Variants in BCL7C observed in about 807,000 individuals in gnomAD.
BCL7C encodes B-cell CLL/lymphoma 7 protein family member C.
BCL7C carries 8 observed loss-of-function variants against 26.2 expected under a neutral mutation model. The ratio of observed to expected loss-of-function variants is 0.30; its 90% CI spans 0.18 to 0.55. The LOEUF is 0.55. BCL7C is among the 20% of genes least tolerant of loss of function. BCL7C has a pLI of 0.93. For missense variants in BCL7C, 262 were observed against 298.5 expected, an observed-to-expected ratio of 0.88 and a Z score of 0.90; for synonymous variants, 90 against 116.5, an observed-to-expected ratio of 0.77 and a Z score of 1.47.
chr16:30,853,060 C>G (rs984511367), intron 5 of BCL7C, among the ~76,000 whole-genome samples: 1 of 151,776 alleles, frequency 6.6e-6, no homozygotes. Flanking sequence ...CTCTGCCTCC[C>G]GAGTAGCTGG....
At chr16:30,855,799 G>A (rs898814038) in intron 5 of BCL7C, among the ~76,000 whole-genome samples, 1 of 151,984 alleles carries the variant, frequency 6.6e-6, no homozygotes, top group Non-Finnish European at 1.5e-5. Flanking sequence ...GGTGGCTCAT[G>A]CCTGTAATCC....
chr16:30,893,968 C>A lies in BCL7C; in HGVS notation c.-24G>T. On this transcript the variant is annotated 5_prime_UTR_variant, in exon 1 of 6. Transcript: ENST00000215115. This position sits in a 1 kb window ranked among gnomAD's most constrained non-coding sequence, Gnocchi z 5.2. ...ATGCTGGCGGGGCTGGGGCCGGGGC[C>A]GAGCCCGCGGCGGGGCCGCCTCCCG... is the stretch of plus-strand genomic sequence containing the variant. The A allele has an allele frequency of 2.3e-6, 3 of 1,304,686 alleles. No homozygotes were observed. Among genetic ancestry groups the A allele is most frequent in the Non-Finnish European group, 2.9e-6 (3 of 1,020,826 alleles). The allele number at this position is 1,304,686 out of a possible 1,614,324, so 80.8% of individuals were successfully genotyped here. A position where few individuals can be genotyped will look rare whatever the true frequency, so the allele number is the denominator to read the frequency against.
chr16:30,891,680 T>C (rs907180330), intron 4 of BCL7C, among the ~76,000 whole-genome samples: 1 of 151,876 alleles, frequency 6.6e-6, no homozygotes, highest in African/African-American at 2.4e-5. Context: ...CAAGATCACA[T>C]AGGGCCAGGC....
At chr16:30,873,954 T>TACACACACACACAC (rs145435913) in intron 5 of BCL7C, among the ~76,000 whole-genome samples, 4,609 of 137,696 alleles carry the variant, frequency 0.033, 247 homozygotes, top group African/African-American at 0.11. Context: ...GATATATGTA[T>TACACACACACACAC]ACACACACAC....
At chr16:30,878,296 C>G (rs774198209) in intron 5 of BCL7C, among the ~76,000 whole-genome samples, 5 of 151,720 alleles carry the variant, frequency 3.3e-5, no homozygotes, top group African/African-American at 4.9e-5. Flanking sequence ...TTTGGGAGGC[C>G]GAGGGAGACG....
intron 5 of BCL7C, among the ~76,000 whole-genome samples, chr16:30,866,628 C>T (rs1244738923): frequency 6.7e-6 from 1 of 149,108 alleles, no homozygotes; most frequent in Non-Finnish European, 1.5e-5. Flanking sequence ...TGATGAAACC[C>T]ACCAAAGTTA....
At chr16:30,882,418 GC>G (rs1317401499) in intron 5 of BCL7C, among the ~76,000 whole-genome samples, 1 of 152,184 alleles carries the variant, frequency 6.6e-6, no homozygotes, top group African/African-American at 2.4e-5. Context: ...CAAAGCAACA[GC>G]CACCACTTCA....
At chr16:30,848,899 A>G (rs1323385935) in intron 5 of BCL7C, among the ~76,000 whole-genome samples, 1 of 151,742 alleles carries the variant, frequency 6.6e-6, no homozygotes, top group Non-Finnish European at 1.5e-5. Context: ...CACAAAAAAA[A>G]AAAAAAGGCT....
chr16:30,863,458 A>C (rs543112397), intron 5 of BCL7C, among the ~76,000 whole-genome samples: 2 of 152,310 alleles, frequency 1.3e-5, no homozygotes, highest in African/African-American at 4.8e-5. Flanking sequence ...CTCCATCATT[A>C]ATCTGTCTTT....
At chr16:30,871,264 C>G (rs915697021) in intron 5 of BCL7C, among the ~76,000 whole-genome samples, 9 of 152,114 alleles carry the variant, frequency 5.9e-5, no homozygotes, top group Non-Finnish European at 1.0e-4. Flanking sequence ...CTGGAGTTAG[C>G]CTCATCTGAA....
At chr16:30,868,987 C>T (rs2054857707) in intron 5 of BCL7C, among the ~76,000 whole-genome samples, 1 of 151,840 alleles carries the variant, frequency 6.6e-6, no homozygotes, top group African/African-American at 2.4e-5. Context: ...TCAAATGATC[C>T]ACCTGCCTCA....
chr16:30,855,598 A>G (rs1477461679), intron 5 of BCL7C, among the ~76,000 whole-genome samples: 1 of 152,106 alleles, frequency 6.6e-6, no homozygotes, highest in African/African-American at 2.4e-5. Context: ...AGATCCTTTA[A>G]TAGCTTCTGT....
chr16:30,890,017 C>T (rs558953335), intron 4 of BCL7C, among the ~76,000 whole-genome samples: 1 of 151,226 alleles, frequency 6.6e-6, no homozygotes. Flanking sequence ...CCAGCTGGAA[C>T]CAAAAACGGG....
chr16:30,871,523 C>T (rs1286975915), intron 5 of BCL7C, among the ~76,000 whole-genome samples: 3 of 151,968 alleles, frequency 2.0e-5, no homozygotes, highest in Admixed American at 6.6e-5. Context: ...CTCACTCTGT[C>T]GCCCAGGCTG....
rs1187827463 is a variant in BCL7C, at chr16:30,879,689, C to CAAAAAAAAAAAAAAAAAAAAAAA, written c.528+9170_528+9171insTTTTTTTTTTTTTTTTTTTTTTT. Among the ~76,000 whole-genome samples the CAAAAAAAAAAAAAAAAAAAAAAA allele has an allele frequency of 2.3e-3, 69 of 29,402 alleles. 21 individuals are homozygous for CAAAAAAAAAAAAAAAAAAAAAAA. The highest frequency in any genetic ancestry group is 3.6e-3 in the South Asian group (1 of 274). The allele number at this position is 29,402 out of a possible 152,430, so 19.3% of individuals were successfully genotyped here. On this transcript the variant is annotated intron_variant, in intron 5 of 5. Transcript: ENST00000380317. ...AACACAGAGAGACTCCCCTTCTCTACAAAAAAAAAAAAAAAAAAAACTGGG... is the reference window on the plus strand; with the variant it reads ...AACACAGAGAGACTCCCCTTCTCTACAAAAAAAAAAAAAAAAAAAAAAAAAAAAAAAAAAAAAAAAAAACTGGG...
intron 5 of BCL7C, among the ~76,000 whole-genome samples, chr16:30,841,953 CA>C (rs1183661130): frequency 0.022 from 483 of 22,264 alleles, no homozygotes; most frequent in East Asian, 0.044. Flanking sequence ...GACTCCATCT[CA>C]AAAAAAAAAA....
At chr16:30,871,117 G>C (rs2054878936) in intron 5 of BCL7C, among the ~76,000 whole-genome samples, 1 of 152,208 alleles carries the variant, frequency 6.6e-6, no homozygotes, top group African/African-American at 2.4e-5. Flanking sequence ...TCCTGAGTGG[G>C]AGATCCAGGT....
At chr16:30,852,719 T>C (rs1269796941) in intron 5 of BCL7C, among the ~76,000 whole-genome samples, 1 of 152,012 alleles carries the variant, frequency 6.6e-6, no homozygotes, top group Non-Finnish European at 1.5e-5. Flanking sequence ...CTCAAACTCC[T>C]GACCTCAGGT....
chr16:30,893,156 G>C lies in BCL7C; in HGVS notation c.171+56C>G. Reference sequence around the variant, plus strand: ...CTGGAGGTAGAGGTCAGCGTGGGGAGGAACTTGCCTGAGGTTGCACAGATG... The same window carrying C: ...CTGGAGGTAGAGGTCAGCGTGGGGACGAACTTGCCTGAGGTTGCACAGATG... On this transcript the variant is annotated intron_variant, in intron 2 of 5. Transcript: ENST00000215115. This position sits in a 1 kb window ranked among gnomAD's most constrained non-coding sequence, Gnocchi z 5.2. 6.4e-7 allele frequency: 1 copy of C among 1,558,948 alleles called. No homozygotes were observed. Among genetic ancestry groups the C allele is most frequent in the Non-Finnish European group, 8.8e-7 (1 of 1,138,964 alleles).
Sources: gnomAD v4.1 joint callset for allele counts (sites outside exome capture counted in the v4.1 genomes callset) on GRCh38, gnomAD v4.1.1 for gene constraint, Gnocchi (gnomAD v3.1) non-coding constraint, MANE v1.5 for transcripts, NCBI Gene and HGNC (gene_info 2026-07-23, HGNC 2026-07-21) for gene names.